The following ZCWPW2 variants were observed in gnomAD, a reference collection of about 807,000 sequenced individuals.
ZCWPW2 encodes zinc finger CW-type and PWWP domain containing 2, also known as zinc finger CW-type PWWP domain protein 2.
In ZCWPW2, 45 loss-of-function variants were observed where a neutral mutation model predicts 46.6. That is an observed-to-expected ratio of 0.96 (90% CI 0.76 to 1.24). ZCWPW2 has a LOEUF of 1.24. Ranked by LOEUF, ZCWPW2 falls within the 50% of genes most tolerant of loss-of-function variation. The pLI, the probability that ZCWPW2 is intolerant of heterozygous loss-of-function variation, is 0.00. For synonymous variants in ZCWPW2, 152 were observed against 137.1 expected, an observed-to-expected ratio of 1.11 and a Z score of -0.76; for missense variants, 429 against 403.9, an observed-to-expected ratio of 1.06 and a Z score of -0.53.
At chr3:28,381,002 A>G (rs1358107882) in intron 1 of ZCWPW2, among the ~76,000 whole-genome samples, 2 of 16,392 alleles carry the variant, frequency 1.2e-4, no homozygotes, top group Non-Finnish European at 2.2e-4. Flanking sequence ...TATATTTGGT[A>G]TATATATATA....
intron 5 of ZCWPW2, among the ~76,000 whole-genome samples, chr3:28,489,672 A>G (rs1184421570): frequency 0.021 from 726 of 34,264 alleles, 6 homozygotes; most frequent in African/African-American, 0.065. Context: ...ACGCGCGCAC[A>G]CACACACACA....
chr3:28,389,774 T>A (rs1355326375), intron 1 of ZCWPW2, among the ~76,000 whole-genome samples: 1 of 152,150 alleles, frequency 6.6e-6, no homozygotes, highest in Admixed American at 6.6e-5. Flanking sequence ...GCAAGTCCAG[T>A]TTCTGATGGG....
intron 3 of ZCWPW2, among the ~76,000 whole-genome samples, 179 bp from the exon 4 acceptor site, chr3:28,434,931 A>C (rs990006398): frequency 6.6e-6 from 1 of 152,186 alleles, no homozygotes; most frequent in Admixed American, 6.5e-5. Context: ...ATAACTATAA[A>C]ATACAATTTA....
At chr3:28,515,761 A>G in intron 8 of ZCWPW2, 140 bp downstream of exon 8, 1 of 618,896 alleles carries the variant, frequency 1.6e-6, no homozygotes, top group Non-Finnish European at 2.7e-6. Flanking sequence ...ACATATATAC[A>G]TGTGCGTACA....
chr3:28,465,765 A>C (rs1698797432), intron 4 of ZCWPW2, among the ~76,000 whole-genome samples: 1 of 152,188 alleles, frequency 6.6e-6, no homozygotes, highest in Non-Finnish European at 1.5e-5. Flanking sequence ...AAACAAAAAA[A>C]AACTATGGTA....
intron 5 of ZCWPW2, among the ~76,000 whole-genome samples, chr3:28,482,623 A>G (rs1343663812): frequency 6.6e-6 from 1 of 152,190 alleles, no homozygotes; most frequent in South Asian, 2.1e-4. Context: ...CCAGCAATGA[A>G]TGAGAGTTCC....
intron 3 of ZCWPW2, among the ~76,000 whole-genome samples, chr3:28,422,061 T>C (rs1406997452): frequency 6.6e-6 from 1 of 152,120 alleles, no homozygotes; most frequent in African/African-American, 2.4e-5. Flanking sequence ...TTTAGAGTGG[T>C]TTCAGGTTTG....
At chr3:28,399,009 C>T (rs941002212) in intron 2 of ZCWPW2, among the ~76,000 whole-genome samples, 1 of 152,180 alleles carries the variant, frequency 6.6e-6, no homozygotes, top group Non-Finnish European at 1.5e-5. Context: ...GCCATATTTG[C>T]TTTTGCAGCT....
At chr3:28,357,577 G>A (rs1240511165) in intron 1 of ZCWPW2, among the ~76,000 whole-genome samples, 4 of 151,884 alleles carry the variant, frequency 2.6e-5, no homozygotes, top group South Asian at 2.1e-4. Context: ...GGGAGAATTC[G>A]TGCTCTCTCT....
chr3:28,351,424 A>G (rs1050535480), intron 1 of ZCWPW2: 2 of 151,626 alleles, frequency 1.3e-5, no homozygotes, highest in Admixed American at 6.6e-5. Flanking sequence ...CTTCAAAGCA[A>G]TATCTTAACA....
At chr3:28,352,040 G>T (rs576740130) in intron 1 of ZCWPW2, among the ~76,000 whole-genome samples, 1 of 151,762 alleles carries the variant, frequency 6.6e-6, no homozygotes, top group Admixed American at 6.6e-5. Flanking sequence ...GGCATACACA[G>T]TTGTCTTCCC....
intron 4 of ZCWPW2, among the ~76,000 whole-genome samples, chr3:28,440,693 T>C (rs963023846): frequency 6.6e-6 from 1 of 152,218 alleles, no homozygotes; most frequent in Non-Finnish European, 1.5e-5. Context: ...ACTGCCACGC[T>C]TCTTTAGCTG....
At chr3:28,519,710 G>A (rs144405213) in intron 8 of ZCWPW2, among the ~76,000 whole-genome samples, 20 of 152,244 alleles carry the variant, frequency 1.3e-4, no homozygotes, top group Non-Finnish European at 2.6e-4. Flanking sequence ...GAAGATGAAG[G>A]GATGTGTACT....
At chr3:28,349,234 G>A (rs1183746009) in intron 1 of ZCWPW2, 31 bp downstream of exon 1, 2 of 983,068 alleles carry the variant, frequency 2.0e-6, no homozygotes, top group Non-Finnish European at 2.4e-6. Flanking sequence ...CTTGTCTGTT[G>A]GGCCGAGGTC....
intron 6 of ZCWPW2, among the ~76,000 whole-genome samples, chr3:28,508,143 G>C (rs957406286): frequency 3.3e-5 from 5 of 152,050 alleles, no homozygotes; most frequent in African/African-American, 1.2e-4. Flanking sequence ...ACCAACCGTA[G>C]TGAGAATTAA....
At chr3:28,436,744 T>C (rs145474315) in intron 4 of ZCWPW2, among the ~76,000 whole-genome samples, 7 of 152,284 alleles carry the variant, frequency 4.6e-5, no homozygotes, top group African/African-American at 1.7e-4. Context: ...TGTGATCCAG[T>C]CATCGTTATA....
chr3:28,380,340 C>T (rs1346017351), intron 1 of ZCWPW2, among the ~76,000 whole-genome samples: 2 of 152,106 alleles, frequency 1.3e-5, no homozygotes, highest in Non-Finnish European at 2.9e-5. Flanking sequence ...AAATGTATGT[C>T]ATAACTTGCT....
intron 2 of ZCWPW2, among the ~76,000 whole-genome samples, chr3:28,393,154 A>G (rs1472516690): frequency 1.3e-5 from 2 of 152,126 alleles, no homozygotes; most frequent in Non-Finnish European, 2.9e-5. Context: ...GGATCATAAG[A>G]AACTACTATG....
intron 8 of ZCWPW2, among the ~76,000 whole-genome samples, chr3:28,517,448 G>A (rs1700605034): frequency 6.6e-6 from 1 of 152,140 alleles, no homozygotes; most frequent in Non-Finnish European, 1.5e-5. Flanking sequence ...GGCAAAAGCA[G>A]GAACAAAAGA....
Sources: gnomAD v4.1 joint callset for allele counts (sites outside exome capture counted in the v4.1 genomes callset) on GRCh38, gnomAD v4.1.1 for gene constraint, MANE v1.5 for transcripts, NCBI Gene and HGNC (gene_info 2026-07-23, HGNC 2026-07-21) for gene names.